The following RBPJ variants were observed in gnomAD, a reference collection of about 807,000 sequenced individuals.
The protein encoded by RBPJ is recombination signal binding protein for immunoglobulin kappa J region.
Under a neutral mutation model 67.8 loss-of-function variants are expected in RBPJ, and 9 were observed. The ratio of observed to expected loss-of-function variants is 0.13; its 90% CI spans 0.08 to 0.23. The LOEUF is 0.23. Among genes scored for constraint, RBPJ ranks in the 10% least tolerant of loss-of-function variants. RBPJ has a pLI of 1.00. For synonymous variants in RBPJ, 198 were observed against 203.3 expected, an observed-to-expected ratio of 0.97 and a Z score of 0.22; for missense variants, 305 against 595.6, an observed-to-expected ratio of 0.51 and a Z score of 5.08.
At chr4:26,252,997 A>G (rs1474554912) in intron 1 of RBPJ, among the ~76,000 whole-genome samples, 1 of 152,208 alleles carries the variant, frequency 6.6e-6, no homozygotes. Context: ...CATGTTTGCT[A>G]TAAGCATTAT....
intron 1 of RBPJ, among the ~76,000 whole-genome samples, chr4:26,291,759 A>G (rs1042289076): frequency 5.3e-5 from 8 of 150,414 alleles, no homozygotes; most frequent in Non-Finnish European, 1.2e-4. Flanking sequence ...GTATTTTAAT[A>G]GAGACAGGGT....
At chr4:26,270,012 C>T (rs892513183) in intron 1 of RBPJ, among the ~76,000 whole-genome samples, 5 of 151,734 alleles carry the variant, frequency 3.3e-5, no homozygotes, top group South Asian at 2.1e-4. Flanking sequence ...CCAGGCACGG[C>T]GGCTCAGACC....
chr4:26,306,438 A>AATTATTATTATTATTATTATTATT (rs556823125), intron 1 of RBPJ, among the ~76,000 whole-genome samples: 4 of 147,164 alleles, frequency 2.7e-5, no homozygotes, highest in African/African-American at 1.0e-4. Flanking sequence ...TTATTTGGAG[A>AATTATTATTATTATTATTATTATT]ATTATTATTA....
At chr4:26,235,130 A>G (rs1719415058) in intron 1 of RBPJ, among the ~76,000 whole-genome samples, 1 of 152,240 alleles carries the variant, frequency 6.6e-6, no homozygotes, top group Non-Finnish European at 1.5e-5. Context: ...GTGTTCAAAA[A>G]AAAACCTTGC....
At chr4:26,199,217 G>A (rs1717891973) in intron 1 of RBPJ, among the ~76,000 whole-genome samples, 2 of 152,152 alleles carry the variant, frequency 1.3e-5, no homozygotes, top group Non-Finnish European at 2.9e-5. Context: ...AGGCTGAGAG[G>A]AGCGGATCAT....
At chr4:26,206,943 T>C (rs1718190099) in intron 1 of RBPJ, among the ~76,000 whole-genome samples, 1 of 152,124 alleles carries the variant, frequency 6.6e-6, no homozygotes, top group Non-Finnish European at 1.5e-5. Context: ...TGAAAAATCA[T>C]GAACTCCAGT....
intron 1 of RBPJ, among the ~76,000 whole-genome samples, chr4:26,310,424 G>T (rs1395674638): frequency 6.6e-6 from 1 of 152,190 alleles, no homozygotes; most frequent in African/African-American, 2.4e-5. Context: ...TCTAACATGG[G>T]CTATCAGCAG....
At chr4:26,173,721 C>T (rs1030769371) in intron 1 of RBPJ, among the ~76,000 whole-genome samples, 1 of 152,124 alleles carries the variant, frequency 6.6e-6, no homozygotes, top group Non-Finnish European at 1.5e-5. Flanking sequence ...TGGGGAAATG[C>T]GTGCTGAGTT....
chr4:26,142,265 C>T, the RBPJ span, among the ~76,000 whole-genome samples: 2 of 152,110 alleles, frequency 1.3e-5, no homozygotes, highest in African/African-American at 4.8e-5. Flanking sequence ...ACGGAGTCTC[C>T]CAGAAGGGAG....
At chr4:26,219,659 C>A (rs1577486167) in intron 1 of RBPJ, among the ~76,000 whole-genome samples, 1 of 152,216 alleles carries the variant, frequency 6.6e-6, no homozygotes, top group South Asian at 2.1e-4. Flanking sequence ...CTGTTAAAAA[C>A]CCCTGAGGTA....
chr4:26,369,535 A>G (rs1400437526), intron 1 of RBPJ, among the ~76,000 whole-genome samples: 1 of 152,222 alleles, frequency 6.6e-6, no homozygotes, highest in Non-Finnish European at 1.5e-5. Flanking sequence ...CAAAATGTGG[A>G]AAGAGTTTAT....
At chr4:26,229,799 G>C (rs1236962215) in intron 1 of RBPJ, among the ~76,000 whole-genome samples, 2 of 152,150 alleles carry the variant, frequency 1.3e-5, no homozygotes, top group Non-Finnish European at 2.9e-5. Context: ...ATAATAAATG[G>C]AAGGTACTGA....
chr4:26,204,901 C>T lies in RBPJ; in HGVS notation c.-167+41287C>T, dbSNP rs193274012. 5.3e-5 allele frequency among the ~76,000 whole-genome samples: 8 copies of T among 152,320 alleles called. No homozygotes were observed. In the East Asian group the frequency reaches 1.3e-3, roughly 26 times the overall value. ...CTTTCTGAGTTGGGCTAAATATAGT[C>T]TCACCCCCTGCACTCATTTCACTGG... On this transcript the variant is annotated intron_variant, in intron 1 of 4. Transcript: ENST00000512351.
At chr4:26,370,381 A>G (rs1419008759) in intron 1 of RBPJ, among the ~76,000 whole-genome samples, 1 of 152,222 alleles carries the variant, frequency 6.6e-6, no homozygotes, top group Non-Finnish European at 1.5e-5. Context: ...TAATAACATT[A>G]TGTTTAATAA....
intron 1 of RBPJ, among the ~76,000 whole-genome samples, chr4:26,257,755 A>G (rs1720389809): frequency 6.6e-6 from 1 of 152,236 alleles, no homozygotes; most frequent in Admixed American, 6.5e-5. Flanking sequence ...CAGCTAACTT[A>G]GTTATCTTCT....
At chr4:26,187,841 G>A (rs1717328411) in intron 1 of RBPJ, among the ~76,000 whole-genome samples, 1 of 151,990 alleles carries the variant, frequency 6.6e-6, no homozygotes, top group African/African-American at 2.4e-5. Flanking sequence ...GGCCAACATG[G>A]GGAAACCCTG....
chr4:26,218,223 C>T (rs984666593), intron 1 of RBPJ, among the ~76,000 whole-genome samples: 2 of 152,134 alleles, frequency 1.3e-5, no homozygotes, highest in Non-Finnish European at 2.9e-5. Context: ...CAGCTGTCGC[C>T]GGTGGGTACG....
At chr4:26,312,885 A>T (rs953132630) in intron 1 of RBPJ, among the ~76,000 whole-genome samples, 1 of 152,168 alleles carries the variant, frequency 6.6e-6, no homozygotes, top group African/African-American at 2.4e-5. Flanking sequence ...TGCTGTTTTA[A>T]TTCTACTAAG....
At chr4:26,145,660 G>A in the RBPJ span, among the ~76,000 whole-genome samples, 12 of 152,158 alleles carry the variant, frequency 7.9e-5, no homozygotes, top group Admixed American at 2.0e-4. Flanking sequence ...AGAATAATAC[G>A]GAGGAGGTTT....
Sources: gnomAD v4.1 joint callset for allele counts (sites outside exome capture counted in the v4.1 genomes callset) on GRCh38, gnomAD v4.1.1 for gene constraint, MANE v1.5 for transcripts, NCBI Gene and HGNC (gene_info 2026-07-23, HGNC 2026-07-21) for gene names.